BCL9: variants seen among roughly 807,000 people sequenced by gnomAD.
BCL9 encodes the protein B-cell CLL/lymphoma 9 protein.
A neutral mutation model predicts 88.5 loss-of-function variants in BCL9; 25 were observed. The ratio of observed to expected loss-of-function variants is 0.28; its 90% CI spans 0.21 to 0.39. The LOEUF (loss-of-function observed/expected upper bound fraction) is 0.39, where lower values mean the gene tolerates loss of function less well. BCL9 is among the 10% of genes least tolerant of loss of function. BCL9 has a pLI of 1.00. For synonymous variants in BCL9, 711 were observed against 673.3 expected (o/e 1.06, Z -0.87); for missense variants, 1,817 against 1,877.8 (o/e 0.97, Z 0.60).
intron 1 of BCL9, among the ~76,000 whole-genome samples, chr1:147,563,601 C>T (rs112339218): frequency 4.6e-5 from 7 of 152,330 alleles, no homozygotes; most frequent in African/African-American, 1.7e-4. Context: ...GCCATAGTCA[C>T]CGATCCTATC....
At chr1:147,587,144 C>CTCGCCTGGCGTGCTCAGGGAGCG in intron 1 of BCL9, among the ~76,000 whole-genome samples, 1 of 152,124 alleles carries the variant, frequency 6.6e-6, no homozygotes, top group Non-Finnish European at 1.5e-5. Context: ...ACATTCATCA[C>CTCGCCTGGCGTGCTCAGGGAGCG]AACGACAGTC....
At chr1:147,550,757 T>G (rs1336074093) in intron 1 of BCL9, among the ~76,000 whole-genome samples, 1 of 152,238 alleles carries the variant, frequency 6.6e-6, no homozygotes, top group Non-Finnish European at 1.5e-5. Flanking sequence ...TCTGGAACAG[T>G]CTGTCCTGAA....
intron 1 of BCL9, among the ~76,000 whole-genome samples, chr1:147,598,316 A>G (rs943702660): frequency 6.6e-6 from 1 of 152,200 alleles, no homozygotes; most frequent in Non-Finnish European, 1.5e-5. Context: ...TATACCAACT[A>G]TTGCCTTTCT....
chr1:147,585,872 C>T (rs968654675), intron 1 of BCL9, among the ~76,000 whole-genome samples: 1 of 152,100 alleles, frequency 6.6e-6, no homozygotes, highest in Non-Finnish European at 1.5e-5. Context: ...ACAGAAGCTC[C>T]TAAGAGGAGA....
intron 1 of BCL9, among the ~76,000 whole-genome samples, chr1:147,589,627 G>C (rs1431165316): frequency 6.6e-6 from 1 of 152,170 alleles, no homozygotes; most frequent in Non-Finnish European, 1.5e-5. Context: ...GCTTAGCAAA[G>C]GGGTTTTGAG....
At chr1:147,575,797 A>G (rs1656081390) in intron 1 of BCL9, among the ~76,000 whole-genome samples, 1 of 152,200 alleles carries the variant, frequency 6.6e-6, no homozygotes, top group African/African-American at 2.4e-5. Context: ...ATTGAATTTA[A>G]TAAGCCCAAG....
intron 6 of BCL9, among the ~76,000 whole-genome samples, chr1:147,614,852 T>TG (rs1476697309): frequency 6.6e-6 from 1 of 151,202 alleles, no homozygotes; most frequent in South Asian, 2.1e-4. Context: ...TTCTTTTTTT[T>TG]TTTTTGAGAT....
At chr1:147,597,445 A>G (rs587678257) in intron 1 of BCL9, among the ~76,000 whole-genome samples, 1 of 152,330 alleles carries the variant, frequency 6.6e-6, no homozygotes, top group South Asian at 2.1e-4. Context: ...ATTTTTAGCA[A>G]TTTTACCATT....
chr1:147,620,845 C>T lies in BCL9; in HGVS notation c.2690C>T (p.Ala897Val), dbSNP rs782580573. 2.8e-5 allele frequency: 45 copies of T among 1,614,044 alleles called. No homozygotes were observed. The highest frequency in any genetic ancestry group is 3.6e-5 in the Non-Finnish European group (42 of 1,180,034). Residue 897 changes from alanine (A) to valine (V), a missense_variant, in exon 8 of 10, where the codon GCG becomes GTG. Coordinates refer to ENST00000234739, the MANE Select transcript of BCL9 (RefSeq NM_004326.4). ...QTPSQLAGML[A>V]GPAAAASIKS... ...CCATCGCAGCTGGCAGGCATGCTGG[C>T]GGGCCCAGCTGCTGCTGCTTCCATT...
rs1553204269 is a variant in BCL9, at chr1:147,618,837, C to T, written c.682C>T (p.Arg228Trp). 8.3e-6 allele frequency: 13 copies of T among 1,564,944 alleles called. No homozygotes were observed. Among genetic ancestry groups the T allele is most frequent in the Admixed American group, 1.9e-5 (1 of 51,522 alleles). ...APLNTQISALRNDPKPLPQQP... is the reference protein window; with the variant it reads ...APLNTQISALWNDPKPLPQQP... ...TCAGAACACACAGATATCTGCCCTT[C>T]GGAATGATCCGAAACCTCTCCCACA... The change falls in exon 8 of 10, where the codon CGG becomes TGG. Residue 228 changes from arginine to tryptophan, a missense_variant. By Grantham distance (101) the Arg-to-Trp change is moderately radical. Coordinates refer to ENST00000234739, the MANE Select transcript of BCL9 (RefSeq NM_004326.4).
chr1:147,613,845 A>G (rs1658134277), intron 5 of BCL9, among the ~76,000 whole-genome samples: 1 of 152,210 alleles, frequency 6.6e-6, no homozygotes. Flanking sequence ...AAAAGTCTTA[A>G]CTGTAGGCCA....
Position 147,624,007 on chromosome 1 carries a change from G to C in BCL9, c.3329G>C (p.Gly1110Ala). 1.9e-6 allele frequency: 3 copies of C among 1,614,148 alleles called. No individual in the cohort carries two copies. The highest frequency in any genetic ancestry group is 2.5e-6 in the Non-Finnish European group (3 of 1,180,022). Residue 1110 changes from glycine to alanine, a missense_variant, in exon 10 of 10, where the codon GGG (glycine) becomes GCG (alanine). Transcript: ENST00000234739. The surrounding 1 kb of genome is among the most constrained non-coding windows in gnomAD (Gnocchi z 4.4). ...PNIPPHGVPM[G>A]PGLMSHNPIM... ...ATACCTCCTCATGGGGTCCCAATGG[G>C]GCCTGGCTTGATGTCACACAATCCT... is the stretch of plus-strand genomic sequence containing the variant.
chr1:147,600,094 G>C (rs1657288649), intron 1 of BCL9: 1 of 132,334 alleles, frequency 7.6e-6, no homozygotes, highest in Non-Finnish European at 1.6e-5. Context: ...GGGGAGGGCC[G>C]AAGGGAGGGA....
intron 1 of BCL9, among the ~76,000 whole-genome samples, chr1:147,544,069 CA>C (rs1162204420): frequency 3.3e-5 from 5 of 152,146 alleles, no homozygotes; most frequent in African/African-American, 1.2e-4. Context: ...CTGCAGCAGG[CA>C]AATACTGGGC....
intron 1 of BCL9, among the ~76,000 whole-genome samples, chr1:147,584,407 C>G (rs2101556446): frequency 6.6e-6 from 1 of 152,188 alleles, no homozygotes; most frequent in South Asian, 2.1e-4. Flanking sequence ...TCAACTCTGG[C>G]CTACAGAACC....
intron 8 of BCL9, 119 bp downstream of exon 8, chr1:147,621,176 A>AAG: frequency 8.6e-7 from 1 of 1,169,542 alleles, no homozygotes; most frequent in East Asian, 2.5e-5. Context: ...CTTTGTTGAA[A>AAG]TGGCCATATT....
At chr1:147,593,717 C>T (rs1272322123) in intron 1 of BCL9, among the ~76,000 whole-genome samples, 1 of 152,076 alleles carries the variant, frequency 6.6e-6, no homozygotes, top group Admixed American at 6.5e-5. Flanking sequence ...TTTGATTATA[C>T]TTTGAAAACA....
At chr1:147,595,539 T>G (rs782308314) in intron 1 of BCL9, among the ~76,000 whole-genome samples, 3 of 152,172 alleles carry the variant, frequency 2.0e-5, no homozygotes, top group Non-Finnish European at 4.4e-5. Context: ...GGAATTATTG[T>G]TGGGAAAGCA....
chr1:147,566,413 A>G (rs587609470), intron 1 of BCL9, among the ~76,000 whole-genome samples: 2 of 152,256 alleles, frequency 1.3e-5, no homozygotes, highest in South Asian at 4.1e-4. Context: ...AGAAAATAAT[A>G]TTCAAAATTA....
Sources: allele counts gnomAD v4.1 joint callset (sites outside exome capture counted in the v4.1 genomes callset), GRCh38; gene constraint gnomAD v4.1.1; non-coding constraint Gnocchi (gnomAD v3.1); transcripts MANE v1.5; gene names NCBI Gene and HGNC (gene_info 2026-07-23, HGNC 2026-07-21).